NAA11: variants seen among roughly 807,000 people sequenced by gnomAD.
The protein encoded by NAA11 is N-alpha-acetyltransferase 11, NatA catalytic subunit.
Under a neutral mutation model 16.1 loss-of-function variants are expected in NAA11, and 15 were observed. That is an observed-to-expected ratio of 0.93 (90% CI 0.62 to 1.44). NAA11 has a LOEUF of 1.44. Ranked by LOEUF, NAA11 falls within the 40% of genes most tolerant of loss-of-function variation. The pLI, the probability that NAA11 is intolerant of heterozygous loss-of-function variation, is 0.00. For synonymous variants in NAA11, 122 were observed against 112.4 expected (o/e 1.09, Z -0.54); for missense variants, 298 against 291.3 (o/e 1.02, Z -0.17).
chr4:79,209,280 A>G, the NAA11 span, among the ~76,000 whole-genome samples: 1 of 152,218 alleles, frequency 6.6e-6, no homozygotes, highest in Non-Finnish European at 1.5e-5. Flanking sequence ...TCAATGTGTT[A>G]GTGAGATGAA....
intron 2 of NAA11, among the ~76,000 whole-genome samples, chr4:79,242,010 G>A (rs192636610): frequency 6.6e-6 from 1 of 152,272 alleles, no homozygotes; most frequent in Admixed American, 6.5e-5. Flanking sequence ...GAGGAAGAAG[G>A]GGCTTTTCTC....
At chr4:79,272,933 A>G (rs973052017) in intron 2 of NAA11, among the ~76,000 whole-genome samples, 11 of 151,890 alleles carry the variant, frequency 7.2e-5, no homozygotes, top group African/African-American at 2.2e-4. Flanking sequence ...CTTTTTCTCC[A>G]TACAGTTCTT....
chr4:79,213,075 A>G, the NAA11 span, among the ~76,000 whole-genome samples: 1 of 152,136 alleles, frequency 6.6e-6, no homozygotes, highest in Admixed American at 6.6e-5. Flanking sequence ...CATTGATTCC[A>G]AGGTATAAAA....
At chr4:79,247,211 G>A (rs1264873480) in intron 2 of NAA11, among the ~76,000 whole-genome samples, 1 of 152,180 alleles carries the variant, frequency 6.6e-6, no homozygotes, top group African/African-American at 2.4e-5. Context: ...GACTTTATAG[G>A]TCCAGGGGAG....
At chr4:79,302,958 GT>G (rs1043038625) in intron 1 of NAA11, among the ~76,000 whole-genome samples, 31 of 151,364 alleles carry the variant, frequency 2.0e-4, no homozygotes, top group Non-Finnish European at 4.3e-4. Flanking sequence ...GAATTTTAGG[GT>G]TTTGTTGTTG....
chr4:79,250,427 G>A (rs1313268508), intron 2 of NAA11, among the ~76,000 whole-genome samples: 1 of 152,234 alleles, frequency 6.6e-6, no homozygotes, highest in East Asian at 1.9e-4. Flanking sequence ...GAGTTCCACA[G>A]GAACTCGGAG....
At position 79,255,944 on chromosome 4, in the gene NAA11, G is replaced by A. The variant is rs535958360; in HGVS notation, c.*123-29674C>T. The stretch of plus-strand genomic sequence containing the variant: ...TTGGGTCATTGCCATGGAAAGGGGC[G>A]GTAACTCCCAGGTGTTGCCATGGCG... On this transcript the variant is annotated intron_variant and NMD_transcript_variant, in intron 2 of 2. Coordinates refer to the NAA11 transcript ENST00000511542. Among the ~76,000 whole-genome samples the A allele has an allele frequency of 2.6e-5, 4 of 152,202 alleles. No individual in the cohort carries two copies. The South Asian group carries it at 6.2e-4, about 24-fold the overall frequency.
At position 79,325,209 on chromosome 4, in the gene NAA11, T is replaced by G. The variant is rs1724224732; in HGVS notation, c.669A>C (p.Glu223Asp). ...VESTNVQDSS[E>D]SSDSTS Reference sequence around the variant, plus strand: ...TGCTCTAGGAGGTGGAATCCGAGCTTTCTGAGCTGTCCTGGACGTTGGTGC... The same window carrying G: ...TGCTCTAGGAGGTGGAATCCGAGCTGTCTGAGCTGTCCTGGACGTTGGTGC... Residue 223 changes from glutamate (E) to aspartate (D), a missense_variant, in exon 1 of 2, where the codon GAA (glutamate) becomes GAC (aspartate). Coordinates refer to ENST00000286794, the MANE Select transcript of NAA11 (RefSeq NM_032693.3). The G allele has an allele frequency of 6.2e-7, 1 of 1,611,524 alleles. No homozygotes were observed.
chr4:79,280,695 G>A (rs1218858923), intron 2 of NAA11, among the ~76,000 whole-genome samples: 1 of 151,984 alleles, frequency 6.6e-6, no homozygotes, highest in Admixed American at 6.6e-5. Context: ...GGAGTTTGAG[G>A]ACAAAGGCGG....
the NAA11 span, among the ~76,000 whole-genome samples, chr4:79,197,294 G>A: frequency 6.6e-6 from 1 of 151,790 alleles, no homozygotes; most frequent in African/African-American, 2.4e-5. Flanking sequence ...TGAATGTTTT[G>A]GGTTCTATTT....
At chr4:79,225,394 C>T (rs995384458), downstream of NAA11, among the ~76,000 whole-genome samples, 58 of 152,114 alleles carry the variant, frequency 3.8e-4, no homozygotes, top group African/African-American at 1.2e-3. Flanking sequence ...TTTTACCTTA[C>T]GTAAAGTGTC....
At chr4:79,211,040 C>CT in the NAA11 span, among the ~76,000 whole-genome samples, 2 of 151,862 alleles carry the variant, frequency 1.3e-5, no homozygotes, top group South Asian at 2.1e-4. Context: ...CTATACAGTG[C>CT]TTTTTTTTGC....
chr4:79,222,600 T>A (rs544819146), downstream of NAA11, among the ~76,000 whole-genome samples: 3 of 147,134 alleles, frequency 2.0e-5, no homozygotes, highest in Non-Finnish European at 4.5e-5. Flanking sequence ...ACTTCATGTC[T>A]AAAACACCAA....
chr4:79,299,914 G>A (rs749326411), intron 1 of NAA11, among the ~76,000 whole-genome samples: 4 of 110,878 alleles, frequency 3.6e-5, no homozygotes, highest in African/African-American at 1.8e-4. Context: ...TGGAGACTGC[G>A]AGTGACAGGT....
At chr4:79,182,257 C>T in the NAA11 span, among the ~76,000 whole-genome samples, 23 of 152,178 alleles carry the variant, frequency 1.5e-4, no homozygotes, top group Middle Eastern at 0.017. Context: ...TTATCTTTAA[C>T]GTATTAAAAA....
chr4:79,305,836 TTCA>T (rs2110006622), intron 1 of NAA11, among the ~76,000 whole-genome samples: 1 of 152,258 alleles, frequency 6.6e-6, no homozygotes, highest in East Asian at 1.9e-4. Context: ...AAATCTAGTT[TTCA>T]TCATTTTTTC....
intron 2 of NAA11, among the ~76,000 whole-genome samples, chr4:79,258,086 G>A (rs1043052183): frequency 6.6e-6 from 1 of 152,256 alleles, no homozygotes; most frequent in Non-Finnish European, 1.5e-5. Context: ...GCCAGTGGGA[G>A]CCAGGGAAAA....
At chr4:79,284,300 G>C (rs984122679) in intron 2 of NAA11, among the ~76,000 whole-genome samples, 8 of 151,996 alleles carry the variant, frequency 5.3e-5, no homozygotes, top group African/African-American at 1.9e-4. Flanking sequence ...CTTAACCATG[G>C]CTCTGGAGTA....
the NAA11 span, among the ~76,000 whole-genome samples, chr4:79,187,539 A>G: frequency 6.6e-6 from 1 of 152,220 alleles, no homozygotes; most frequent in Non-Finnish European, 1.5e-5. Flanking sequence ...TAAAACATTA[A>G]CAATTTATAT....
Sources: allele counts gnomAD v4.1 joint callset (sites outside exome capture counted in the v4.1 genomes callset), GRCh38; gene constraint gnomAD v4.1.1; transcripts MANE v1.5; gene names NCBI Gene and HGNC (gene_info 2026-07-23, HGNC 2026-07-21).